The following FSAF1 variants were observed in gnomAD, a reference collection of about 807,000 sequenced individuals.
FSAF1 encodes the protein uncharacterized protein C1orf131.
At chr1:231,238,935 A>G in the FSAF1 span, 11 of 1,613,762 alleles carry the variant, frequency 6.8e-6, no homozygotes, top group East Asian at 2.2e-5. Context: ...CTTGTTCCCT[A>G]TTGTTCTTTA....
chr1:231,226,704 T>C, the FSAF1 span: 7 of 1,535,092 alleles, frequency 4.6e-6, no homozygotes, highest in Admixed American at 1.2e-4. Context: ...CATCTTCCCA[T>C]TCTAGTTGAA....
At chr1:231,239,221 A>G in the FSAF1 span, 1 of 1,501,474 alleles carries the variant, frequency 6.7e-7, no homozygotes. Context: ...GAAAATAAAT[A>G]TTTTCAGTCT....
At chr1:231,230,906 T>C in the FSAF1 span, among the ~76,000 whole-genome samples, 1 of 152,210 alleles carries the variant, frequency 6.6e-6, no homozygotes, top group African/African-American at 2.4e-5. Flanking sequence ...AACGCTCTTA[T>C]TCCTAATGGA....
the FSAF1 span, chr1:231,229,354 C>A: frequency 3.3e-5 from 16 of 484,228 alleles, no homozygotes; most frequent in South Asian, 8.1e-4. Context: ...CAGAAAATAA[C>A]AAGTGTTGGC....
the FSAF1 span, among the ~76,000 whole-genome samples, chr1:231,226,166 T>C: frequency 9.9e-5 from 15 of 152,130 alleles, no homozygotes; most frequent in African/African-American, 3.1e-4. Context: ...GTTTGGGTCA[T>C]GGCAATGGAT....
the FSAF1 span, among the ~76,000 whole-genome samples, chr1:231,228,026 C>T: frequency 1.5e-3 from 227 of 152,284 alleles, 1 homozygote; most frequent in African/African-American, 5.3e-3. Flanking sequence ...TCCATAAAGG[C>T]AATAATTTCA....
chr1:231,226,416 A>G, the FSAF1 span: 4 of 381,422 alleles, frequency 1.0e-5, no homozygotes, highest in African/African-American at 2.0e-5. Flanking sequence ...TGCCAGTGCT[A>G]TGCTTTCCAT....
At chr1:231,229,396 A>G in the FSAF1 span, among the ~76,000 whole-genome samples, 1 of 152,240 alleles carries the variant, frequency 6.6e-6, no homozygotes, top group Non-Finnish European at 1.5e-5. Flanking sequence ...CCCATGCTCT[A>G]TATTGGTGGG....
the FSAF1 span, chr1:231,241,056 A>G: frequency 1.2e-6 from 2 of 1,614,218 alleles, no homozygotes; most frequent in Non-Finnish European, 1.7e-6. Context: ...CAGAGCGTCA[A>G]GAAGTGTCGG....
the FSAF1 span, among the ~76,000 whole-genome samples, chr1:231,232,331 G>A: frequency 6.6e-6 from 1 of 152,166 alleles, no homozygotes; most frequent in Non-Finnish European, 1.5e-5. Context: ...GGAATGCCTA[G>A]GTGGCTTTCC....
the FSAF1 span, among the ~76,000 whole-genome samples, chr1:231,236,004 A>C: frequency 6.6e-6 from 1 of 152,200 alleles, no homozygotes; most frequent in Non-Finnish European, 1.5e-5. Flanking sequence ...GCATTCTCTA[A>C]AAATGACCAG....
chr1:231,230,381 T>C, the FSAF1 span, among the ~76,000 whole-genome samples: 1 of 152,228 alleles, frequency 6.6e-6, no homozygotes, highest in Admixed American at 6.5e-5. Context: ...ACTAGTGTAA[T>C]GGGCTAAACA....
the FSAF1 span, chr1:231,239,299 G>A: frequency 1.2e-6 from 1 of 845,348 alleles, no homozygotes; most frequent in Non-Finnish European, 1.7e-6. Flanking sequence ...GCACCTAGAA[G>A]CACACACAAA....
At chr1:231,226,891 T>C in the FSAF1 span, 1 of 1,594,040 alleles carries the variant, frequency 6.3e-7, no homozygotes. Context: ...CAGTGTCCCT[T>C]GCCCTGACTT....
At chr1:231,231,533 C>G in the FSAF1 span, among the ~76,000 whole-genome samples, 2 of 152,136 alleles carry the variant, frequency 1.3e-5, no homozygotes, top group Admixed American at 6.5e-5. Flanking sequence ...CGGGGTCTCA[C>G]TCTGTCGCCA....
chr1:231,230,991 T>C, the FSAF1 span, among the ~76,000 whole-genome samples: 1 of 152,212 alleles, frequency 6.6e-6, no homozygotes, highest in Non-Finnish European at 1.5e-5. Flanking sequence ...TCCGTGGGCT[T>C]GGGGTGCTGA....
At chr1:231,233,294 TAC>T in the FSAF1 span, among the ~76,000 whole-genome samples, 5 of 152,342 alleles carry the variant, frequency 3.3e-5, no homozygotes, top group Admixed American at 1.3e-4. Context: ...AAAAGTTATG[TAC>T]ACAGTGTTGA....
chr1:231,233,580 T>C, the FSAF1 span, among the ~76,000 whole-genome samples: 1 of 151,888 alleles, frequency 6.6e-6, no homozygotes. Context: ...TGAGACGGAG[T>C]CTTGCTCTGT....
chr1:231,229,936 ACAC>A, the FSAF1 span, among the ~76,000 whole-genome samples: 1 of 152,204 alleles, frequency 6.6e-6, no homozygotes, highest in Non-Finnish European at 1.5e-5. Flanking sequence ...GGGTGGCACA[ACAC>A]CATGAATGAG....
Sources: allele counts gnomAD v4.1 joint callset (sites outside exome capture counted in the v4.1 genomes callset), GRCh38; gene constraint gnomAD v4.1.1; transcripts MANE v1.5; gene names NCBI Gene and HGNC (gene_info 2026-07-23, HGNC 2026-07-21).